The following CCDC175 variants were observed in gnomAD, a reference collection of about 807,000 sequenced individuals.
The protein encoded by CCDC175 is coiled-coil domain containing 175.
In CCDC175, 100 loss-of-function variants were observed where a neutral mutation model predicts 114.6. The observed-to-expected ratio is 0.87, with a 90% confidence interval of 0.74 to 1.03. The LOEUF (loss-of-function observed/expected upper bound fraction) is 1.03, where lower values mean the gene tolerates loss of function less well. Among genes scored for constraint, CCDC175 ranks in the 50% least tolerant of loss-of-function variants. CCDC175 has a pLI of 0.00. For missense variants in CCDC175, 880 were observed against 917.8 expected, an observed-to-expected ratio of 0.96 and a Z score of 0.53; for synonymous variants, 306 against 308.7, an observed-to-expected ratio of 0.99 and a Z score of 0.09.
intron 2 of CCDC175, among the ~76,000 whole-genome samples, chr14:59,573,582 A>T (rs1410013979): frequency 1.3e-5 from 2 of 150,780 alleles, no homozygotes; most frequent in African/African-American, 2.4e-5. Context: ...TATTACTTTT[A>T]AAAATAAAAG....
chr14:59,565,097 C>T lies in CCDC175; in HGVS notation c.670G>A (p.Glu224Lys). ...KCIQEAEELM[E>K]KERAEYLIRK... Reference sequence around the variant, plus strand: ...ATTAGATATTCTGCCCTTTCTTTTTCCATTAGCTCCTCTGCCTCTTGAATA... The same window carrying T: ...ATTAGATATTCTGCCCTTTCTTTTTTCATTAGCTCCTCTGCCTCTTGAATA... Residue 224 changes from glutamate to lysine, a missense_variant, in exon 5 of 20, where the codon GAA (glutamate) becomes AAA (lysine). Glu to Lys is a moderately conservative substitution (Grantham distance 56). Transcript: ENST00000537690. 1 of 1,537,572 alleles carries T rather than the reference C, an allele frequency of 6.5e-7. No individual in the cohort carries two copies. The highest frequency in any genetic ancestry group is 2.4e-5 in the East Asian group (1 of 40,918).
chr14:59,520,833 G>A (rs973508847), intron 17 of CCDC175, among the ~76,000 whole-genome samples: 2 of 152,136 alleles, frequency 1.3e-5, no homozygotes, highest in African/African-American at 4.8e-5. Flanking sequence ...ACTAGAGATG[G>A]GGTAGGTGAT....
chr14:59,509,167 T>G (rs1566590234), intron 19 of CCDC175, among the ~76,000 whole-genome samples: 1 of 152,182 alleles, frequency 6.6e-6, no homozygotes, highest in East Asian at 1.9e-4. Flanking sequence ...GGGTTTCAGA[T>G]AAAAACAGAA....
intron 13 of CCDC175, among the ~76,000 whole-genome samples, chr14:59,534,796 C>G (rs1894297806): frequency 6.6e-6 from 1 of 152,196 alleles, no homozygotes; most frequent in African/African-American, 2.4e-5. Flanking sequence ...AGCCACAGCA[C>G]TGCCCTGTCG....
intron 19 of CCDC175, among the ~76,000 whole-genome samples, chr14:59,509,147 A>C (rs1892612089): frequency 6.6e-6 from 1 of 152,196 alleles, no homozygotes; most frequent in South Asian, 2.1e-4. Flanking sequence ...TGCAACACAA[A>C]GATTCCATCG....
chr14:59,571,634 G>A (rs1213273872), intron 3 of CCDC175, among the ~76,000 whole-genome samples: 1 of 152,130 alleles, frequency 6.6e-6, no homozygotes, highest in African/African-American at 2.4e-5. Flanking sequence ...AACAAGTATT[G>A]GCAAAGATGT....
chr14:59,553,182 A>C (rs1393928718), intron 7 of CCDC175, among the ~76,000 whole-genome samples: 1 of 152,242 alleles, frequency 6.6e-6, no homozygotes, highest in African/African-American at 2.4e-5. Flanking sequence ...CAAAGTTGAA[A>C]TGAAGGAAAA....
chr14:59,549,558 A>C (rs1287230526), intron 8 of CCDC175, among the ~76,000 whole-genome samples: 1 of 151,882 alleles, frequency 6.6e-6, no homozygotes, highest in Non-Finnish European at 1.5e-5. Flanking sequence ...TGTCTCTATT[A>C]AAAGTACAAA....
At chr14:59,566,468 C>T (rs1566637060) in intron 4 of CCDC175, among the ~76,000 whole-genome samples, 1 of 152,078 alleles carries the variant, frequency 6.6e-6, no homozygotes, top group Non-Finnish European at 1.5e-5. Flanking sequence ...TCAAACTCCA[C>T]AAAAGAAATG....
At chr14:59,535,041 C>G (rs1023829495) in intron 13 of CCDC175, among the ~76,000 whole-genome samples, 1 of 152,162 alleles carries the variant, frequency 6.6e-6, no homozygotes, top group African/African-American at 2.4e-5. Context: ...GTTTCATAAA[C>G]CACAATGTGA....
intron 7 of CCDC175, among the ~76,000 whole-genome samples, chr14:59,554,630 G>A (rs1274367887): frequency 6.6e-6 from 1 of 152,090 alleles, no homozygotes; most frequent in Middle Eastern, 3.2e-3. Flanking sequence ...CAGAACTGAA[G>A]GAAATAGAGA....
chr14:59,542,503 G>A (rs558428395), intron 10 of CCDC175, among the ~76,000 whole-genome samples: 1 of 152,080 alleles, frequency 6.6e-6, no homozygotes, highest in Non-Finnish European at 1.5e-5. Context: ...GGTAGAGAGA[G>A]ATATGTTAAC....
intron 14 of CCDC175, among the ~76,000 whole-genome samples, chr14:59,531,132 A>AG (rs1402315751): frequency 4.6e-5 from 7 of 151,918 alleles, no homozygotes; most frequent in Non-Finnish European, 8.8e-5. Context: ...TTAAAAAAAA[A>AG]AAAAGATTCT....
At chr14:59,557,322 T>C (rs1393033929) in intron 7 of CCDC175, among the ~76,000 whole-genome samples, 1 of 151,846 alleles carries the variant, frequency 6.6e-6, no homozygotes, top group African/African-American at 2.4e-5. Context: ...TGTAGGGACA[T>C]GGATGAAGCT....
chr14:59,545,316 G>C lies in CCDC175; in HGVS notation c.1036-17C>G. 6.5e-7 allele frequency: 1 copy of C among 1,534,884 alleles called. No homozygotes were observed. The highest frequency in any genetic ancestry group is 1.2e-5 in the South Asian group (1 of 83,516). The stretch of plus-strand genomic sequence containing the variant: ...TTCAACCAGCTAGAGAAAAACAAAG[G>C]AGGTGAATGAGAGGACTGGCTTCAC... On this transcript the variant is annotated splice_polypyrimidine_tract_variant and intron_variant, in intron 8 of 19. Coordinates refer to ENST00000537690, the MANE Select transcript of CCDC175 (RefSeq NM_001164399.2).
At chr14:59,530,178 C>G (rs534571477) in intron 14 of CCDC175, among the ~76,000 whole-genome samples, 18 of 151,998 alleles carry the variant, frequency 1.2e-4, no homozygotes, top group Middle Eastern at 3.4e-3. Flanking sequence ...ACCACCCTGA[C>G]CAACATGGTG....
intron 13 of CCDC175, among the ~76,000 whole-genome samples, chr14:59,533,119 G>C (rs1426660496): frequency 5.3e-5 from 8 of 152,192 alleles, no homozygotes; most frequent in Non-Finnish European, 1.0e-4. Flanking sequence ...AAGAGAGACA[G>C]AGAGACTCAC....
intron 16 of CCDC175, among the ~76,000 whole-genome samples, chr14:59,524,389 A>C (rs1430321267): frequency 1.3e-5 from 2 of 152,194 alleles, no homozygotes; most frequent in Non-Finnish European, 2.9e-5. Context: ...AAGAGCTATA[A>C]TCAGTATGAA....
intron 7 of CCDC175, among the ~76,000 whole-genome samples, chr14:59,560,818 T>C (rs1896188374): frequency 6.6e-6 from 1 of 152,164 alleles, no homozygotes; most frequent in African/African-American, 2.4e-5. Context: ...CCGTCCCTCA[T>C]GGGCATTTTT....
Sources: gnomAD v4.1 joint callset for allele counts (sites outside exome capture counted in the v4.1 genomes callset) on GRCh38, gnomAD v4.1.1 for gene constraint, MANE v1.5 for transcripts, NCBI Gene and HGNC (gene_info 2026-07-23, HGNC 2026-07-21) for gene names.